Variants in WWOX observed in about 807,000 individuals in gnomAD.
WWOX encodes WW domain containing oxidoreductase.
In WWOX, 69 loss-of-function variants were observed where a neutral mutation model predicts 46.2. The observed-to-expected ratio is 1.49, with a 90% CI of 1.23 to 1.82. The LOEUF (loss-of-function observed/expected upper bound fraction) is 1.82. Ranked by LOEUF, WWOX falls within the 40% of genes most tolerant of loss-of-function variation. The probability of loss-of-function intolerance (pLI) is 0.00; values close to 1 mark genes in which losing one functional copy is unlikely to be tolerated. For missense variants in WWOX, 919 were observed against 542.6 expected (o/e 1.69, Z -6.89); for synonymous variants, 359 against 202.6 (o/e 1.77, Z -6.56).
chr16:78,808,912 G>C (rs185712820), intron 8 of WWOX, among the ~76,000 whole-genome samples: 168 of 152,160 alleles, frequency 1.1e-3, no homozygotes, highest in Non-Finnish European at 2.1e-3. Context: ...ATTCCGTTAG[G>C]CCATTTGCCA....
intron 8 of WWOX, among the ~76,000 whole-genome samples, chr16:79,049,367 C>G (rs528259229): frequency 1.8e-4 from 28 of 152,292 alleles, no homozygotes; most frequent in African/African-American, 6.7e-4. Flanking sequence ...TTATTCGGCA[C>G]AATTGAGTAA....
chr16:78,481,859 C>G (rs994365241), intron 8 of WWOX, among the ~76,000 whole-genome samples: 1 of 136,242 alleles, frequency 7.3e-6, no homozygotes, highest in Non-Finnish European at 1.7e-5. Context: ...TTCTATTAAT[C>G]TTCTTGGGGC....
At chr16:78,312,828 C>T (rs914995820) in intron 5 of WWOX, among the ~76,000 whole-genome samples, 2 of 152,200 alleles carry the variant, frequency 1.3e-5, no homozygotes, top group African/African-American at 4.8e-5. Flanking sequence ...ACCAGACAGG[C>T]CTAGGCTCTG....
At chr16:78,968,471 G>C (rs1312619604) in intron 8 of WWOX, among the ~76,000 whole-genome samples, 1 of 152,204 alleles carries the variant, frequency 6.6e-6, no homozygotes, top group Non-Finnish European at 1.5e-5. Flanking sequence ...AAATGAGATG[G>C]CAGTCTTCAT....
intron 4 of WWOX, among the ~76,000 whole-genome samples, chr16:78,122,466 A>G (rs189742085): frequency 2.6e-4 from 40 of 152,304 alleles, no homozygotes; most frequent in African/African-American, 9.1e-4. Flanking sequence ...GTTCTACTTG[A>G]GGTTTTGTAG....
chr16:78,499,064 A>G (rs979121725), intron 8 of WWOX, among the ~76,000 whole-genome samples: 4 of 152,220 alleles, frequency 2.6e-5, no homozygotes, highest in Non-Finnish European at 4.4e-5. Context: ...TTGTAGTTTC[A>G]TCCTTGTTGA....
chr16:78,418,900 ACT>A (rs1297132631), intron 6 of WWOX, among the ~76,000 whole-genome samples: 1 of 152,066 alleles, frequency 6.6e-6, no homozygotes, highest in Non-Finnish European at 1.5e-5. Context: ...AAGGATATTC[ACT>A]CTCATCACTT....
At chr16:78,628,284 T>G (rs1474088063) in intron 8 of WWOX, among the ~76,000 whole-genome samples, 19 of 152,214 alleles carry the variant, frequency 1.2e-4, no homozygotes, top group Admixed American at 1.2e-3. Flanking sequence ...TAATGTTTCC[T>G]GAAGTTTCCC....
chr16:78,366,926 G>A (rs1007233868), intron 5 of WWOX, among the ~76,000 whole-genome samples: 2 of 145,390 alleles, frequency 1.4e-5, no homozygotes, highest in Non-Finnish European at 3.0e-5. Context: ...TAGGAGAGAA[G>A]TTGAAATTAG....
intron 8 of WWOX, among the ~76,000 whole-genome samples, chr16:78,516,170 A>G (rs952372192): frequency 1.3e-5 from 2 of 152,166 alleles, no homozygotes; most frequent in Admixed American, 6.5e-5. Flanking sequence ...CCTGCTGCCC[A>G]AGACCACAGC....
intron 8 of WWOX, among the ~76,000 whole-genome samples, chr16:78,572,958 C>T (rs139482811): frequency 1.3e-5 from 2 of 152,240 alleles, no homozygotes; most frequent in African/African-American, 4.8e-5. Context: ...GCACATATCA[C>T]ATAATCTGAA....
At chr16:78,741,745 C>G (rs2049233252) in intron 8 of WWOX, among the ~76,000 whole-genome samples, 2 of 152,206 alleles carry the variant, frequency 1.3e-5, no homozygotes, top group East Asian at 1.9e-4. Flanking sequence ...GTCTCAGCTA[C>G]TCAGGAGGCT....
chr16:78,126,487 C>G (rs914336221), intron 4 of WWOX, among the ~76,000 whole-genome samples: 1 of 152,132 alleles, frequency 6.6e-6, no homozygotes, highest in African/African-American at 2.4e-5. Flanking sequence ...TGTTTTTTAA[C>G]GAATTGCCCT....
chr16:78,948,119 C>G (rs779432769), intron 8 of WWOX, among the ~76,000 whole-genome samples: 1 of 152,192 alleles, frequency 6.6e-6, no homozygotes, highest in Non-Finnish European at 1.5e-5. Flanking sequence ...TTGCCTTACT[C>G]AGCCTCTGTG....
intron 7 of WWOX, 35 bp from the exon 8 acceptor site, chr16:78,432,453 C>T (rs201178638): frequency 3.1e-6 from 5 of 1,610,372 alleles, no homozygotes; most frequent in Non-Finnish European, 2.5e-6. Context: ...GAAGTCAGAA[C>T]TTGGTTGCTT....
chr16:78,496,288 A>G (rs904071817), intron 8 of WWOX: 3 of 152,216 alleles, frequency 2.0e-5, no homozygotes, highest in African/African-American at 7.2e-5. Context: ...AAAAAAATCA[A>G]GCATATGTTT....
At chr16:78,853,728 G>T (rs1214451743) in intron 8 of WWOX, among the ~76,000 whole-genome samples, 1 of 152,044 alleles carries the variant, frequency 6.6e-6, no homozygotes, top group Admixed American at 6.6e-5. Flanking sequence ...TGGGCTTCCT[G>T]TTATGAAACC....
chr16:79,164,184 A>C (rs138136301), intron 8 of WWOX, among the ~76,000 whole-genome samples: 2 of 152,178 alleles, frequency 1.3e-5, no homozygotes, highest in Admixed American at 1.3e-4. Context: ...CAATACTTTC[A>C]TGTCTGTTTG....
At chr16:78,757,340 GCACCC>G (rs2049676855) in intron 8 of WWOX, among the ~76,000 whole-genome samples, 1 of 151,884 alleles carries the variant, frequency 6.6e-6, no homozygotes, top group Non-Finnish European at 1.5e-5. Context: ...CAGCACCCCA[GCACCC>G]CAGCACCCCA....
Sources: allele counts gnomAD v4.1 joint callset (sites outside exome capture counted in the v4.1 genomes callset), GRCh38; gene constraint gnomAD v4.1.1; transcripts MANE v1.5; gene names NCBI Gene and HGNC (gene_info 2026-07-23, HGNC 2026-07-21).